The following PTPRM variants were observed in gnomAD, a reference collection of about 807,000 sequenced individuals.
PTPRM encodes receptor-type tyrosine-protein phosphatase mu.
In PTPRM, 47 loss-of-function variants were observed where a neutral mutation model predicts 186.7. The ratio of observed to expected loss-of-function variants is 0.25; its 90% CI spans 0.20 to 0.32. PTPRM has a LOEUF of 0.32. Among genes scored for constraint, PTPRM ranks in the 10% least tolerant of loss-of-function variants. The pLI, the probability that PTPRM is intolerant of heterozygous loss-of-function variation, is 1.00. For synonymous variants in PTPRM, 668 were observed against 674.9 expected (o/e 0.99, Z 0.16); for missense variants, 1,494 against 1,865.0 (o/e 0.80, Z 3.66).
intron 1 of PTPRM, among the ~76,000 whole-genome samples, chr18:7,637,308 A>T (rs1046766752): frequency 1.3e-5 from 2 of 152,048 alleles, no homozygotes; most frequent in African/African-American, 2.4e-5. Context: ...TTGTTTGGTC[A>T]GGCTTTTCTT....
At chr18:7,922,263 T>C (rs1416151228) in intron 4 of PTPRM, among the ~76,000 whole-genome samples, 1 of 152,250 alleles carries the variant, frequency 6.6e-6, no homozygotes, top group African/African-American at 2.4e-5. Context: ...AGTGAGGTGC[T>C]GCTTAACAGC....
intron 22 of PTPRM, among the ~76,000 whole-genome samples, chr18:8,331,576 A>G (rs1027198084): frequency 9.2e-5 from 14 of 152,248 alleles, no homozygotes; most frequent in African/African-American, 3.4e-4. Context: ...ATCATTTTGT[A>G]TGTTCCAAAA....
intron 3 of PTPRM, among the ~76,000 whole-genome samples, chr18:7,890,005 T>G (rs967409097): frequency 6.6e-6 from 1 of 152,224 alleles, no homozygotes; most frequent in Non-Finnish European, 1.5e-5. Flanking sequence ...TCTGCCCTTC[T>G]GTGGGGGATT....
At chr18:7,622,242 T>A (rs534594769) in intron 1 of PTPRM, among the ~76,000 whole-genome samples, 1 of 152,312 alleles carries the variant, frequency 6.6e-6, no homozygotes, top group South Asian at 2.1e-4. Flanking sequence ...GTAGTGTATT[T>A]GTTCTTTTTT....
intron 1 of PTPRM, among the ~76,000 whole-genome samples, chr18:7,624,730 G>C (rs911627382): frequency 2.0e-5 from 3 of 152,156 alleles, no homozygotes; most frequent in Non-Finnish European, 4.4e-5. Context: ...GCCCACCTTG[G>C]CCTACCAAAG....
chr18:7,774,385 A>C (rs951662684), intron 2 of PTPRM, 114 bp downstream of exon 2: 5 of 1,343,186 alleles, frequency 3.7e-6, no homozygotes, highest in Non-Finnish European at 5.1e-6. Context: ...TGGATGTGGC[A>C]GTCAAAGTTG....
intron 7 of PTPRM, among the ~76,000 whole-genome samples, chr18:7,984,602 T>TATATATATATAC (rs1214502563): frequency 9.6e-4 from 84 of 87,148 alleles, no homozygotes; most frequent in East Asian, 3.0e-3. Flanking sequence ...TATATATATA[T>TATATATATATAC]ACACACACAC....
chr18:8,170,581 T>C (rs763051243), intron 14 of PTPRM, among the ~76,000 whole-genome samples: 4 of 151,808 alleles, frequency 2.6e-5, no homozygotes, highest in Non-Finnish European at 4.4e-5. Context: ...AAAAGAAATA[T>C]ACAAAGATTT....
chr18:7,735,049 A>T (rs1267814183), intron 1 of PTPRM, among the ~76,000 whole-genome samples: 1 of 152,222 alleles, frequency 6.6e-6, no homozygotes, highest in East Asian at 1.9e-4. Context: ...CATGAAAGGA[A>T]GTGGGGACCA....
At chr18:8,130,724 C>T (rs2092482766) in intron 13 of PTPRM, among the ~76,000 whole-genome samples, 1 of 152,120 alleles carries the variant, frequency 6.6e-6, no homozygotes, top group African/African-American at 2.4e-5. Flanking sequence ...GGAATCTGGA[C>T]TTAACAGTCC....
intron 2 of PTPRM, among the ~76,000 whole-genome samples, chr18:7,797,043 T>C (rs2145293887): frequency 6.6e-6 from 1 of 152,358 alleles, no homozygotes; most frequent in Admixed American, 6.5e-5. Flanking sequence ...TGATGCCACG[T>C]GTCCATGACA....
chr18:8,257,196 A>G (rs944475583), intron 19 of PTPRM, among the ~76,000 whole-genome samples: 2 of 152,218 alleles, frequency 1.3e-5, no homozygotes, highest in African/African-American at 4.8e-5. Context: ...GAGCTGACCA[A>G]GAGAAGGTGA....
At chr18:7,689,380 G>A (rs2039683750) in intron 1 of PTPRM, among the ~76,000 whole-genome samples, 1 of 152,216 alleles carries the variant, frequency 6.6e-6, no homozygotes, top group Non-Finnish European at 1.5e-5. Flanking sequence ...CACCCTTGGA[G>A]CCACAGTAGC....
At chr18:8,329,512 G>A (rs2095399508) in intron 22 of PTPRM, among the ~76,000 whole-genome samples, 1 of 152,146 alleles carries the variant, frequency 6.6e-6, no homozygotes, top group Non-Finnish European at 1.5e-5. Context: ...CCTTTAAAAG[G>A]AGAGAGCTGA....
chr18:7,937,265 C>T (rs2051874745), intron 5 of PTPRM, among the ~76,000 whole-genome samples: 1 of 152,230 alleles, frequency 6.6e-6, no homozygotes, highest in African/African-American at 2.4e-5. Flanking sequence ...GAGCCCAGAC[C>T]TAGAAGCTCC....
At chr18:7,810,067 G>T (rs111534553) in intron 2 of PTPRM, among the ~76,000 whole-genome samples, 1 of 152,136 alleles carries the variant, frequency 6.6e-6, no homozygotes, top group Non-Finnish European at 1.5e-5. Flanking sequence ...AGGTGGGGTT[G>T]GGGGAGAGGC....
At chr18:7,757,238 A>G (rs973369188) in intron 1 of PTPRM, among the ~76,000 whole-genome samples, 1 of 152,230 alleles carries the variant, frequency 6.6e-6, no homozygotes, top group South Asian at 2.1e-4. Flanking sequence ...ATGTTGAATT[A>G]TAGTAGGTCA....
intron 7 of PTPRM, among the ~76,000 whole-genome samples, chr18:8,068,291 C>A (rs1006560461): frequency 2.0e-4 from 31 of 152,086 alleles, no homozygotes; most frequent in African/African-American, 7.0e-4. Context: ...ACACTTCAGA[C>A]AAACAAAAAT....
intron 1 of PTPRM, among the ~76,000 whole-genome samples, chr18:7,764,573 C>T (rs1254875643): frequency 6.6e-6 from 1 of 152,148 alleles, no homozygotes; most frequent in Admixed American, 6.6e-5. Context: ...CATTAGAGTG[C>T]ATTGGAGCCA....
Sources: gnomAD v4.1 joint callset for allele counts (sites outside exome capture counted in the v4.1 genomes callset) on GRCh38, gnomAD v4.1.1 for gene constraint, MANE v1.5 for transcripts, NCBI Gene and HGNC (gene_info 2026-07-23, HGNC 2026-07-21) for gene names.